PCSK5: variants seen among roughly 807,000 people sequenced by gnomAD.
PCSK5 encodes proprotein convertase subtilisin/kexin type 5.
A neutral mutation model predicts 233.2 loss-of-function variants in PCSK5; 129 were observed. That is an observed-to-expected ratio of 0.55 (90% CI 0.48 to 0.64). The LOEUF is 0.64. Ranked by LOEUF, PCSK5 falls within the 30% of genes least tolerant of loss-of-function variation. PCSK5 has a pLI of 0.00. For missense variants in PCSK5, 2,076 were observed against 2,430.1 expected (o/e 0.85, Z 3.06); for synonymous variants, 825 against 879.2 (o/e 0.94, Z 1.09).
At chr9:76,242,754 G>T (rs1391116385) in intron 24 of PCSK5, among the ~76,000 whole-genome samples, 1 of 152,156 alleles carries the variant, frequency 6.6e-6, no homozygotes, top group African/African-American at 2.4e-5. Flanking sequence ...TGGCATCTTT[G>T]CTGTTGTGTG....
chr9:75,903,584 A>G (rs1826138621), intron 1 of PCSK5, among the ~76,000 whole-genome samples: 3 of 141,900 alleles, frequency 2.1e-5, no homozygotes, highest in African/African-American at 8.0e-5. Flanking sequence ...GTATATATAT[A>G]TATAAAATAT....
rs551951079 is a variant in PCSK5 at position 76,187,481 on chromosome 9, C to T, written c.2283-1097C>T. ...GGCTCAAGCAATCCTCTGGCCTCAG[C>T]CTCCCGAGTAGCTGGGACTGCAGGC... is the stretch of plus-strand genomic sequence containing the variant. On this transcript the variant is annotated intron_variant, in intron 17 of 37. Coordinates refer to ENST00000674117, the MANE Select transcript of PCSK5 (RefSeq NM_001372043.1). Among the ~76,000 whole-genome samples, 12 of 152,190 alleles carry T rather than the reference C, an allele frequency of 7.9e-5. No individual in the cohort carries two copies. In the South Asian group the frequency reaches 2.5e-3, roughly 32 times the overall value.
At chr9:76,062,629 T>G (rs1830068400) in intron 5 of PCSK5, among the ~76,000 whole-genome samples, 1 of 152,182 alleles carries the variant, frequency 6.6e-6, no homozygotes, top group South Asian at 2.1e-4. Context: ...TGCACAAAAT[T>G]TAATTGTTTA....
At chr9:76,335,032 C>T (rs1829637215) in intron 34 of PCSK5, among the ~76,000 whole-genome samples, 1 of 152,128 alleles carries the variant, frequency 6.6e-6, no homozygotes, top group African/African-American at 2.4e-5. Flanking sequence ...GAGCCAAGAT[C>T]GCACCACTGC....
intron 12 of PCSK5, among the ~76,000 whole-genome samples, chr9:76,161,948 A>G (rs1375267461): frequency 6.6e-6 from 1 of 152,186 alleles, no homozygotes; most frequent in Non-Finnish European, 1.5e-5. Flanking sequence ...TTGCTCCCAG[A>G]ATGTGTCTTC....
chr9:76,067,596 A>G (rs1187473710), intron 5 of PCSK5, among the ~76,000 whole-genome samples: 2 of 152,204 alleles, frequency 1.3e-5, no homozygotes, highest in Non-Finnish European at 2.9e-5. Context: ...AAAAATTGAG[A>G]TAAGGTTGCA....
intron 1 of PCSK5, among the ~76,000 whole-genome samples, chr9:75,908,007 A>G (rs920969791): frequency 1.3e-5 from 2 of 152,194 alleles, no homozygotes; most frequent in Non-Finnish European, 2.9e-5. Flanking sequence ...ATCCAGAGAG[A>G]AGGAGGGATT....
At chr9:75,926,026 G>T (rs1404800015) in intron 1 of PCSK5, among the ~76,000 whole-genome samples, 2 of 152,158 alleles carry the variant, frequency 1.3e-5, no homozygotes, top group Non-Finnish European at 2.9e-5. Flanking sequence ...TGATGACTTG[G>T]TTCTCCCCCA....
Position 76,340,639 on chromosome 9 carries a change from C to CGAA in PCSK5, c.4966+2192_4966+2193insGAA, listed in dbSNP as rs1320548451. Among the ~76,000 whole-genome samples, 36 of 95,358 alleles carry CGAA rather than the reference C, an allele frequency of 3.8e-4. 1 individual carries two copies. The South Asian group carries it at 0.014, about 36-fold the overall frequency. The allele number at this position is 95,358 out of a possible 152,430, so 62.6% of individuals were successfully genotyped here. On this transcript the variant is annotated intron_variant, in intron 35 of 37. Coordinates refer to ENST00000674117, the MANE Select transcript of PCSK5 (RefSeq NM_001372043.1). Reference sequence around the variant, plus strand: ...CAGCGTGGCAACAGAACGAGACTGTCAAAAAAAAAAAAAAAAAAAACTTCA... The same window carrying CGAA: ...CAGCGTGGCAACAGAACGAGACTGTCGAAAAAAAAAAAAAAAAAAAAAACTTCA...
chr9:76,270,311 A>C (rs1827474870), intron 24 of PCSK5, among the ~76,000 whole-genome samples: 1 of 152,156 alleles, frequency 6.6e-6, no homozygotes, highest in Admixed American at 6.5e-5. Flanking sequence ...TCGGATGCTG[A>C]GAATGTGAAA....
chr9:76,221,427 C>T (rs1292452266), intron 20 of PCSK5, among the ~76,000 whole-genome samples: 6 of 152,208 alleles, frequency 3.9e-5, no homozygotes, highest in East Asian at 1.9e-4. Flanking sequence ...ACACCTGGGT[C>T]GCAGCCCAGC....
chr9:75,890,155 ATGCGACTTAC>A (rs1452042379), upstream of PCSK5, among the ~76,000 whole-genome samples: 3 of 152,250 alleles, frequency 2.0e-5, no homozygotes, highest in African/African-American at 7.2e-5. Flanking sequence ...CTAGGAGTCG[ATGCGACTTAC>A]TGTCCTGTGT....
At chr9:75,929,076 C>T (rs1025864371) in intron 1 of PCSK5, among the ~76,000 whole-genome samples, 2 of 152,096 alleles carry the variant, frequency 1.3e-5, no homozygotes, top group Non-Finnish European at 2.9e-5. Flanking sequence ...GCTGGGACTA[C>T]AGGCGTGTAC....
intron 15 of PCSK5, 79 bp downstream of exon 15, chr9:76,179,777 T>A (rs1823766120): frequency 2.1e-6 from 2 of 970,210 alleles, no homozygotes; most frequent in East Asian, 4.8e-5. Flanking sequence ...TACCATGGGG[T>A]GTGTGCAGGC....
In PCSK5 at chr9:75,891,229, G is replaced by A. The variant is rs7020560; in HGVS notation, c.48G>A (p.Leu16=). 113,554 of 1,518,016 alleles carry A rather than the reference G, an allele frequency of 0.075. 6,709 individuals are homozygous for A. The highest frequency in any genetic ancestry group is 0.31 in the African/African-American group (21,412 of 68,332). The allele number at this position is 1,518,016 out of a possible 1,614,324, so 94.0% of individuals were successfully genotyped here. A position where few individuals can be genotyped will look rare whatever the true frequency, so the allele number is the denominator to read the frequency against. The change falls in exon 1 of 38, where the codon CTG becomes CTA. Residue 16 remains leucine, a synonymous_variant. Transcript: ENST00000674117. ...RCCCPGRLDL[L]CVLALLGGCL... Reference sequence around the variant, plus strand: ...GCTGCCCGGGACGTTTGGACCTGCTGTGCGTGCTGGCGCTGCTCGGGGGCT... The same window carrying A: ...GCTGCCCGGGACGTTTGGACCTGCTATGCGTGCTGGCGCTGCTCGGGGGCT...
intron 30 of PCSK5, among the ~76,000 whole-genome samples, chr9:76,319,951 G>C (rs1247019174): frequency 6.6e-6 from 1 of 152,084 alleles, no homozygotes; most frequent in African/African-American, 2.4e-5. Flanking sequence ...AAAGGGAAGG[G>C]CCCCCTATCC....
intron 1 of PCSK5, among the ~76,000 whole-genome samples, chr9:75,898,132 T>G (rs1212300333): frequency 6.6e-6 from 1 of 152,236 alleles, no homozygotes; most frequent in Non-Finnish European, 1.5e-5. Context: ...AGGCCCTTAG[T>G]TTGTTTCATT....
Position 76,274,496 on chromosome 9 carries a change from T to C in PCSK5, c.3143-17737T>C, listed in dbSNP as rs1000997322. On this transcript the variant is annotated intron_variant, in intron 24 of 37. Transcript: ENST00000674117. Reference sequence around the variant, plus strand: ...TGTTTTTAAACTGTGACCATTTTCCTTGAAAATTTACCCATGAAAATACTT... The same window carrying C: ...TGTTTTTAAACTGTGACCATTTTCCCTGAAAATTTACCCATGAAAATACTT... Among the ~76,000 whole-genome samples the C allele has an allele frequency of 1.3e-5, 2 of 151,758 alleles. 1 individual carries two copies. Among genetic ancestry groups the C allele is most frequent in the Admixed American group, 1.3e-4 (2 of 15,274 alleles).
chr9:76,229,947 G>A (rs898372798), intron 21 of PCSK5, among the ~76,000 whole-genome samples: 3 of 152,244 alleles, frequency 2.0e-5, no homozygotes, highest in African/African-American at 7.2e-5. Flanking sequence ...GCAGAGATGA[G>A]CTTGCCTGGG....
Sources: allele counts gnomAD v4.1 joint callset (sites outside exome capture counted in the v4.1 genomes callset), GRCh38; gene constraint gnomAD v4.1.1; transcripts MANE v1.5; gene names NCBI Gene and HGNC (gene_info 2026-07-23, HGNC 2026-07-21).